AGPS: variants seen among roughly 807,000 people sequenced by gnomAD.
The protein encoded by AGPS is alkylglycerone phosphate synthase, also known as alkyldihydroxyacetonephosphate synthase, peroxisomal.
AGPS carries 26 observed loss-of-function variants against 90.7 expected under a neutral mutation model. The observed-to-expected ratio is 0.29, with a 90% CI of 0.21 to 0.40. The LOEUF is 0.40. Among genes scored for constraint, AGPS ranks in the 10% least tolerant of loss-of-function variants. The pLI is 1.00. For synonymous variants in AGPS, 294 were observed against 285.3 expected (o/e 1.03, Z -0.31); for missense variants, 540 against 816.1 (o/e 0.66, Z 4.12).
chr2:177,457,276 A>C (rs1197657323), intron 8 of AGPS, among the ~76,000 whole-genome samples: 1 of 152,220 alleles, frequency 6.6e-6, no homozygotes, highest in Non-Finnish European at 1.5e-5. Flanking sequence ...CATCAAAATT[A>C]AAAGAACTAG....
rs1223829807 is a variant in AGPS at position 177,442,500 on chromosome 2, T to A, written c.789+14T>A. 1 of 1,572,594 alleles carries A rather than the reference T, an allele frequency of 6.4e-7. No homozygotes were observed. Among genetic ancestry groups the A allele is most frequent in the South Asian group, 1.1e-5 (1 of 90,172 alleles). ...ACTTCACAAATGGTATTTAATAATT[T>A]GAGATATATTTAAAACATTTTCTTT... On this transcript the variant is annotated intron_variant, in intron 7 of 19. Coordinates refer to ENST00000264167, the MANE Select transcript of AGPS (RefSeq NM_003659.4).
chr2:177,445,575 T>G lies in AGPS; in HGVS notation c.819T>G (p.Asn273Lys), dbSNP rs1299402253. 1.2e-6 allele frequency: 2 copies of G among 1,613,992 alleles called. No individual in the cohort carries two copies. Among genetic ancestry groups the G allele is most frequent in the Non-Finnish European group, 8.5e-7 (1 of 1,179,892 alleles). The change falls in exon 8 of 20, where the codon AAT becomes AAG. Residue 273 changes from asparagine (N) to lysine (K), a missense_variant. Asn to Lys is a moderately conservative substitution (Grantham distance 94, BLOSUM62 0). Around this residue, in one of 2 missense-constraint regions of AGPS, gnomAD observed 405 missense variants for 692.1 expected, o/e 0.59. Coordinates refer to ENST00000264167, the MANE Select transcript of AGPS (RefSeq NM_003659.4). ...MNRILWVDEN[N>K]LTAHVEAGIT... ...GAATTCTCTGGGTTGATGAGAACAATTTGACAGCTCATGTAGAGGCTGGCA... is the reference window on the plus strand; with the variant it reads ...GAATTCTCTGGGTTGATGAGAACAAGTTGACAGCTCATGTAGAGGCTGGCA...
chr2:177,418,020 G>T (rs1685835647), intron 1 of AGPS, among the ~76,000 whole-genome samples: 1 of 152,004 alleles, frequency 6.6e-6, no homozygotes, highest in Admixed American at 6.5e-5. Context: ...GATTTTAATT[G>T]TATATGATTT....
rs1182775691 is a variant in AGPS at position 177,538,138 on chromosome 2, G to C, written c.1920G>C (p.Lys640Asn). The C allele has an allele frequency of 1.2e-6, 2 of 1,613,026 alleles. No individual in the cohort carries two copies. Among genetic ancestry groups the C allele is most frequent in the Non-Finnish European group, 8.5e-7 (1 of 1,179,226 alleles). Residue 640 changes from lysine to asparagine, a missense_variant, in exon 20 of 20, where the codon AAG (lysine) becomes AAC (asparagine). This residue lies in a region of AGPS where 405 missense variants were observed against 692.1 expected (regional missense o/e 0.59). Coordinates refer to ENST00000264167, the MANE Select transcript of AGPS (RefSeq NM_003659.4). ...CTGATGTCGGCTTTGGGATGCTGAAGTCTGTCAAGGAATATGTGGACCCCA... is the reference window on the plus strand; with the variant it reads ...CTGATGTCGGCTTTGGGATGCTGAACTCTGTCAAGGAATATGTGGACCCCA... ...SISDVGFGML[K>N]SVKEYVDPNN...
chr2:177,477,469 A>G (rs547278600), intron 10 of AGPS, among the ~76,000 whole-genome samples: 22 of 152,304 alleles, frequency 1.4e-4, no homozygotes, highest in African/African-American at 3.8e-4. Flanking sequence ...AAAATGCTCC[A>G]AAATTTGAGA....
chr2:177,446,342 C>T (rs755304760), intron 8 of AGPS, among the ~76,000 whole-genome samples: 2 of 151,856 alleles, frequency 1.3e-5, no homozygotes, highest in African/African-American at 2.4e-5. Flanking sequence ...TTTAGTAGGA[C>T]GGCGTTTCAC....
intron 15 of AGPS, among the ~76,000 whole-genome samples, chr2:177,505,814 A>C (rs1688692766): frequency 1.3e-5 from 2 of 151,936 alleles, no homozygotes; most frequent in Admixed American, 1.3e-4. Flanking sequence ...TCTTTAAAAG[A>C]ATGGAGCCTT....
intron 17 of AGPS, among the ~76,000 whole-genome samples, chr2:177,516,128 T>C (rs978899942): frequency 2.0e-5 from 3 of 152,174 alleles, no homozygotes; most frequent in African/African-American, 7.2e-5. Context: ...AAAGTTGAAA[T>C]AACATTTTAC....
chr2:177,451,699 A>G (rs4893827), intron 8 of AGPS, among the ~76,000 whole-genome samples: 131,859 of 152,058 alleles, frequency 0.87, 57,386 homozygotes, highest in East Asian at 0.98. Context: ...TCTTGTGTTA[A>G]TTTATAGAGT....
chr2:177,404,094 G>A (rs958485145), intron 1 of AGPS, among the ~76,000 whole-genome samples: 2 of 152,070 alleles, frequency 1.3e-5, no homozygotes, highest in Non-Finnish European at 2.9e-5. Context: ...GAAAATCATC[G>A]GAATCTTTGG....
chr2:177,475,206 G>A (rs1687745428), intron 10 of AGPS, among the ~76,000 whole-genome samples: 1 of 152,198 alleles, frequency 6.6e-6, no homozygotes, highest in African/African-American at 2.4e-5. Context: ...ATTTCTAAAA[G>A]TGTTGAAAAG....
chr2:177,435,695 A>C lies in AGPS; in HGVS notation c.442-1069A>C, dbSNP rs560862641. 6.0e-4 allele frequency among the ~76,000 whole-genome samples: 92 copies of C among 152,306 alleles called. No homozygotes were observed. In the Middle Eastern group the frequency reaches 0.01, roughly 17 times the overall value. On this transcript the variant is annotated intron_variant, in intron 3 of 19. Transcript: ENST00000264167. ...TAATAAGAGATTAAGATAATATGCA[A>C]GTATCATATTTGTTCTTTGCATATT... is the stretch of plus-strand genomic sequence containing the variant.
intron 5 of AGPS, among the ~76,000 whole-genome samples, chr2:177,438,775 G>A (rs1403471754): frequency 6.6e-6 from 1 of 152,114 alleles, no homozygotes; most frequent in East Asian, 1.9e-4. Flanking sequence ...ATTTTATTCT[G>A]TTCAATATCC....
chr2:177,445,697 A>G, intron 8 of AGPS, 71 bp downstream of exon 8: 1 of 1,132,824 alleles, frequency 8.8e-7, no homozygotes, highest in Non-Finnish European at 1.2e-6. Flanking sequence ...TATTTCTTTA[A>G]TGAAAGTTTT....
At chr2:177,445,933 G>T (rs1686756011) in intron 8 of AGPS, among the ~76,000 whole-genome samples, 1 of 152,136 alleles carries the variant, frequency 6.6e-6, no homozygotes, top group African/African-American at 2.4e-5. Context: ...TAAATGCAGG[G>T]TATTATGGAT....
intron 1 of AGPS, among the ~76,000 whole-genome samples, chr2:177,414,679 T>G (rs1685731685): frequency 6.6e-6 from 1 of 152,174 alleles, no homozygotes; most frequent in South Asian, 2.1e-4. Flanking sequence ...TAATAAACCA[T>G]CATGAAAGTT....
intron 10 of AGPS, among the ~76,000 whole-genome samples, chr2:177,472,147 C>G (rs1376407506): frequency 6.6e-6 from 1 of 151,024 alleles, no homozygotes; most frequent in Non-Finnish European, 1.5e-5. Context: ...AGTTTTCATC[C>G]TCAGGGACAT....
chr2:177,394,257 A>G (rs572988289), intron 1 of AGPS, among the ~76,000 whole-genome samples: 140 of 152,378 alleles, frequency 9.2e-4, no homozygotes, highest in Non-Finnish European at 1.7e-3. Flanking sequence ...ACAGCGTTAT[A>G]AGAAACTTAA....
intron 5 of AGPS, among the ~76,000 whole-genome samples, chr2:177,438,039 A>G (rs1477213344): frequency 6.6e-6 from 1 of 152,234 alleles, no homozygotes; most frequent in Non-Finnish European, 1.5e-5. Flanking sequence ...ATTCTCCAAT[A>G]GAAGAAATAT....
Sources: gnomAD v4.1 joint callset for allele counts (sites outside exome capture counted in the v4.1 genomes callset) on GRCh38, gnomAD v4.1.1 for gene constraint, gnomAD v4.1.1 regional missense constraint, MANE v1.5 for transcripts, NCBI Gene and HGNC (gene_info 2026-07-23, HGNC 2026-07-21) for gene names.